The following PSMF1 variants were observed in gnomAD, a reference collection of about 807,000 sequenced individuals.
PSMF1 encodes the protein proteasome inhibitor PI31 subunit.
Under a neutral mutation model 29.3 loss-of-function variants are expected in PSMF1, and 30 were observed. The ratio of observed to expected loss-of-function variants is 1.02; its 90% confidence interval spans 0.77 to 1.39. The LOEUF is 1.39. Ranked by LOEUF, PSMF1 falls within the 40% of genes most tolerant of loss-of-function variation. The probability of loss-of-function intolerance (pLI) is 0.00; values close to 1 mark genes in which losing one functional copy is unlikely to be tolerated. For synonymous variants in PSMF1, 134 were observed against 139.7 expected (o/e 0.96, Z 0.29); for missense variants, 344 against 357.5 (o/e 0.96, Z 0.31).
intron 4 of PSMF1, among the ~76,000 whole-genome samples, chr20:1,156,538 A>G (rs949429685): frequency 6.6e-6 from 1 of 152,228 alleles, no homozygotes; most frequent in Non-Finnish European, 1.5e-5. Flanking sequence ...GCTTAAAAAG[A>G]AACAAGAATT....
chr20:1,169,336 C>T lies in PSMF1; in HGVS notation c.*4256C>T, dbSNP rs77625408. On this transcript the variant is annotated 3_prime_UTR_variant, in exon 7 of 7. Transcript: ENST00000335877. ...CAGCAACAATGACAGGAGGTTTGAACACCTCACGAGTGGTAGTGCCCATGG... is the reference window on the plus strand; with the variant it reads ...CAGCAACAATGACAGGAGGTTTGAATACCTCACGAGTGGTAGTGCCCATGG... Among the ~76,000 whole-genome samples the T allele has an allele frequency of 0.025, 3,824 of 152,272 alleles. 63 individuals are homozygous for T. Among genetic ancestry groups the T allele is most frequent in the Non-Finnish European group, 0.038 (2,551 of 68,010 alleles).
At position 1,163,110 on chromosome 20, in the gene PSMF1, T is replaced by TTG. The variant is rs747776532; in HGVS notation, c.552-18_552-17dup. On this transcript the variant is annotated intron_variant, in intron 4 of 6. Coordinates refer to ENST00000335877, the MANE Select transcript of PSMF1 (RefSeq NM_006814.5). This position sits in a 1 kb window ranked among gnomAD's most constrained non-coding sequence, Gnocchi z 6.1. ...CTGGCTGCTCTGGGACTTGCAGTAA[T>TTG]TGTCTCTTGTTTGTTTCAGGTGTGA... is the stretch of plus-strand genomic sequence containing the variant. The TTG allele has an allele frequency of 6.2e-7, 1 of 1,614,008 alleles. No homozygotes were observed. The highest frequency in any genetic ancestry group is 8.5e-7 in the Non-Finnish European group (1 of 1,179,954).
chr20:1,126,471 C>T (rs1388490477), intron 2 of PSMF1, among the ~76,000 whole-genome samples: 1 of 152,126 alleles, frequency 6.6e-6, no homozygotes, highest in East Asian at 1.9e-4. Flanking sequence ...ACCATAATTT[C>T]TTTATTCCTT....
chr20:1,158,313 C>A (rs2086620400), intron 4 of PSMF1, among the ~76,000 whole-genome samples: 1 of 152,194 alleles, frequency 6.6e-6, no homozygotes, highest in Admixed American at 6.5e-5. Context: ...CCAGGTCTTT[C>A]CTTTAACAAA....
intron 4 of PSMF1, 48 bp downstream of exon 4, chr20:1,135,354 TCCAG>T: frequency 6.5e-7 from 1 of 1,530,552 alleles, no homozygotes; most frequent in South Asian, 1.3e-5. Context: ...GTAGAGGGAT[TCCAG>T]CCAGCTATCC....
chr20:1,162,130 G>C (rs2086674814), intron 4 of PSMF1, among the ~76,000 whole-genome samples: 1 of 152,160 alleles, frequency 6.6e-6, no homozygotes, highest in Non-Finnish European at 1.5e-5. Context: ...TGAACCAGTT[G>C]TCATTTCTGT....
rs895719127 is a variant in PSMF1 at position 1,160,160 on chromosome 20, G to A, written c.552-2970G>A. Among the ~76,000 whole-genome samples, 7 of 152,084 alleles carry A rather than the reference G, an allele frequency of 4.6e-5. No individual in the cohort carries two copies. The East Asian group carries it at 1.4e-3, about 29-fold the overall frequency. On this transcript the variant is annotated intron_variant, in intron 4 of 6. Coordinates refer to ENST00000335877, the MANE Select transcript of PSMF1 (RefSeq NM_006814.5). The stretch of plus-strand genomic sequence containing the variant: ...CTGTCACTGTTTACGCTCTCGGTAC[G>A]CTTCTTTCTGGTTGTAATTATACAT...
At chr20:1,121,205 G>A (rs1022173898) in intron 1 of PSMF1, among the ~76,000 whole-genome samples, 43 of 151,544 alleles carry the variant, frequency 2.8e-4, no homozygotes, top group African/African-American at 9.5e-4. Flanking sequence ...GGTGCTATTC[G>A]TTGAGCTTCT....
Position 1,118,884 on chromosome 20 carries a change from C to T in PSMF1, c.111C>T (p.Gly37=). The change falls in exon 1 of 7, where the codon GGC becomes GGT. Residue 37 remains glycine, a synonymous_variant. Coordinates refer to ENST00000335877, the MANE Select transcript of PSMF1 (RefSeq NM_006814.5). ...AAGTGGTGACACACGGTTACTTCGG[C>T]TTGGGTGTCGGTGACCAGGTACGCC... is the stretch of plus-strand genomic sequence containing the variant. ...HWEVVTHGYF[G]LGVGDQPGPN... 6.2e-7 allele frequency: 1 copy of T among 1,614,080 alleles called. No individual in the cohort carries two copies. The highest frequency in any genetic ancestry group is 8.5e-7 in the Non-Finnish European group (1 of 1,179,958).
In PSMF1 at chr20:1,169,139, T is replaced by A. The variant is rs187513183; in HGVS notation, c.*4059T>A. Among the ~76,000 whole-genome samples the A allele has an allele frequency of 7.4e-4, 113 of 152,158 alleles. No homozygotes were observed. Among genetic ancestry groups the A allele is most frequent in the African/African-American group, 2.5e-3 (105 of 41,520 alleles). The stretch of plus-strand genomic sequence containing the variant: ...AAAAGGTAAATTTCTGTTTACTGCA[T>A]CTGAACCCCAGGACTAATGCGTCAC... On this transcript the variant is annotated 3_prime_UTR_variant, in exon 7 of 7. Transcript: ENST00000335877.
intron 4 of PSMF1, among the ~76,000 whole-genome samples, chr20:1,158,546 G>C (rs757437385): frequency 1.3e-5 from 2 of 152,210 alleles, no homozygotes; most frequent in Non-Finnish European, 2.9e-5. Context: ...GTGTCAGCTG[G>C]ATTTGTGTGC....
In PSMF1 at chr20:1,171,946, C is replaced by T. The variant is rs189097600; in HGVS notation, c.*6866C>T. 6.6e-6 allele frequency among the ~76,000 whole-genome samples: 1 copy of T among 152,204 alleles called. No individual in the cohort carries two copies. Among genetic ancestry groups the T allele is most frequent in the East Asian group, 1.9e-4 (1 of 5,194 alleles). On this transcript the variant is annotated 3_prime_UTR_variant, in exon 7 of 7. Transcript: ENST00000335877. ...AGAAGCATGTGAAGAGAGGGATGGC[C>T]CAGGGGCCCTTGGCCATGGTGGCCT...
intron 4 of PSMF1, chr20:1,161,310 G>A (rs948350994): frequency 3.2e-6 from 1 of 313,356 alleles, no homozygotes; most frequent in African/African-American, 2.2e-5. Flanking sequence ...TGACAGCCAG[G>A]TGATCACCAT....
At chr20:1,156,247 A>G (rs1286860455) in intron 4 of PSMF1, among the ~76,000 whole-genome samples, 6 of 152,220 alleles carry the variant, frequency 3.9e-5, no homozygotes, top group Non-Finnish European at 7.3e-5. Flanking sequence ...AGATTTTAAA[A>G]TAATGTCTGA....
At chr20:1,147,508 G>A (rs2086468854) in intron 4 of PSMF1, among the ~76,000 whole-genome samples, 1 of 152,204 alleles carries the variant, frequency 6.6e-6, no homozygotes, top group South Asian at 2.1e-4. Flanking sequence ...GACTGATTAT[G>A]GAGAAGCCCA....
At chr20:1,161,826 T>C in intron 4 of PSMF1, 1 of 324,452 alleles carries the variant, frequency 3.1e-6, no homozygotes, top group Non-Finnish European at 5.8e-6. Context: ...AAGAAATTTG[T>C]CCTTGAAGCT....
At chr20:1,116,157 AC>A (rs1462233637), upstream of PSMF1, among the ~76,000 whole-genome samples, 1 of 152,000 alleles carries the variant, frequency 6.6e-6, no homozygotes, top group Non-Finnish European at 1.5e-5. Flanking sequence ...TTAAGTGGAC[AC>A]CCTGCACTAT....
chr20:1,163,337 C>A lies in PSMF1; in HGVS notation c.605+154C>A, dbSNP rs927900731. On this transcript the variant is annotated intron_variant, in intron 5 of 6. Transcript: ENST00000335877. This position sits in a 1 kb window ranked among gnomAD's most constrained non-coding sequence, Gnocchi z 6.1. ...GCAGCTGAGAAAGCACTGCCACATA[C>A]GCTGCCCCTCCACACCTAGAGCGGT... Among the ~76,000 whole-genome samples the A allele has an allele frequency of 2.0e-5, 3 of 152,222 alleles. No individual in the cohort carries two copies. The highest frequency in any genetic ancestry group is 2.9e-5 in the Non-Finnish European group (2 of 68,038).
chr20:1,133,575 T>TATATATATATATATATATACACA lies in PSMF1; in HGVS notation c.366-1546_366-1545insATATATATATATATATATACACA, dbSNP rs1568469100. 8.4e-3 allele frequency among the ~76,000 whole-genome samples: 150 copies of TATATATATATATATATATACACA among 17,918 alleles called. 5 individuals carry two copies. The highest frequency in any genetic ancestry group is 0.019 in the African/African-American group (148 of 7,724). The allele number at this position is 17,918 out of a possible 152,430, so 11.8% of individuals were successfully genotyped here. On this transcript the variant is annotated intron_variant, in intron 3 of 6. Coordinates refer to ENST00000335877, the MANE Select transcript of PSMF1 (RefSeq NM_006814.5). ...TATGTGTATATATATATATATTTTT[T>TATATATATATATATATATACACA]TTTTTTTTTTGGTGTAGTCTTTGCC...
Sources: gnomAD v4.1 joint callset for allele counts (sites outside exome capture counted in the v4.1 genomes callset) on GRCh38, gnomAD v4.1.1 for gene constraint, Gnocchi (gnomAD v3.1) non-coding constraint, MANE v1.5 for transcripts, NCBI Gene and HGNC (gene_info 2026-07-23, HGNC 2026-07-21) for gene names.